The following GRB14 variants were observed in gnomAD, a reference collection of about 807,000 sequenced individuals.
GRB14 encodes growth factor receptor bound protein 14.
GRB14 carries 38 observed loss-of-function variants against 69.1 expected under a neutral mutation model. The observed-to-expected ratio is 0.55, with a 90% CI of 0.42 to 0.72. GRB14 has a LOEUF of 0.72. Ranked by LOEUF, GRB14 falls within the 30% of genes least tolerant of loss-of-function variation. GRB14 has a pLI of 0.00. For synonymous variants in GRB14, 247 were observed against 241.3 expected (o/e 1.02, Z -0.22); for missense variants, 666 against 666.1 (o/e 1.00, Z 0.00).
intron 2 of GRB14, among the ~76,000 whole-genome samples, chr2:164,586,027 C>T (rs569782717): frequency 1.3e-5 from 2 of 152,230 alleles, no homozygotes; most frequent in Admixed American, 1.3e-4. Flanking sequence ...GTATGTTACA[C>T]ATAAGAGATG....
chr2:164,606,507 T>C (rs1366767147), intron 2 of GRB14, among the ~76,000 whole-genome samples: 1 of 152,188 alleles, frequency 6.6e-6, no homozygotes, highest in African/African-American at 2.4e-5. Context: ...TACATGGAGG[T>C]TGACCCAATA....
At chr2:164,574,469 G>A (rs73028057) in intron 2 of GRB14, among the ~76,000 whole-genome samples, 3,214 of 151,878 alleles carry the variant, frequency 0.021, 108 homozygotes, top group African/African-American at 0.073. Context: ...TCAATCTTTC[G>A]ACCTGATCCG....
At chr2:164,609,457 C>T (rs1027718699) in intron 2 of GRB14, among the ~76,000 whole-genome samples, 4 of 152,198 alleles carry the variant, frequency 2.6e-5, no homozygotes, top group African/African-American at 9.7e-5. Flanking sequence ...TTCCTGAAGG[C>T]AAACCTGTGC....
intron 6 of GRB14, among the ~76,000 whole-genome samples, chr2:164,509,636 T>C (rs1687285198): frequency 6.6e-6 from 1 of 152,078 alleles, no homozygotes; most frequent in Non-Finnish European, 1.5e-5. Context: ...AAAACCTTGC[T>C]GCTAGCAGTG....
At chr2:164,554,694 C>T (rs920507622) in intron 2 of GRB14, among the ~76,000 whole-genome samples, 3 of 152,034 alleles carry the variant, frequency 2.0e-5, no homozygotes, top group Non-Finnish European at 4.4e-5. Flanking sequence ...AAATTTAATA[C>T]GTAGTCACTG....
chr2:164,495,351 TA>T (rs1461252910), intron 12 of GRB14, among the ~76,000 whole-genome samples: 1 of 152,074 alleles, frequency 6.6e-6, no homozygotes, highest in Non-Finnish European at 1.5e-5. Flanking sequence ...TATATTGTTT[TA>T]AAAAAATCTT....
At chr2:164,618,874 A>G (rs181706126) in intron 2 of GRB14, among the ~76,000 whole-genome samples, 1 of 152,292 alleles carries the variant, frequency 6.6e-6, no homozygotes, top group Admixed American at 6.5e-5. Flanking sequence ...ATTTCAATGT[A>G]TTGTTTCCAC....
chr2:164,617,389 C>A (rs1043243663), intron 2 of GRB14, among the ~76,000 whole-genome samples: 2 of 152,050 alleles, frequency 1.3e-5, no homozygotes, highest in Admixed American at 6.5e-5. Context: ...GGGTCAATAA[C>A]AATATCACCT....
At chr2:164,616,264 A>C (rs575774167) in intron 2 of GRB14, among the ~76,000 whole-genome samples, 1 of 152,004 alleles carries the variant, frequency 6.6e-6, no homozygotes, top group South Asian at 2.1e-4. Flanking sequence ...CTCTACTAAA[A>C]ATACAAAAAA....
chr2:164,620,328 C>T (rs1322215009), intron 1 of GRB14, among the ~76,000 whole-genome samples: 1 of 151,994 alleles, frequency 6.6e-6, no homozygotes, highest in Non-Finnish European at 1.5e-5. Context: ...AGCTGTGGTT[C>T]ATCTCACTTC....
intron 12 of GRB14, among the ~76,000 whole-genome samples, chr2:164,495,682 C>A (rs899620628): frequency 6.6e-6 from 1 of 152,172 alleles, no homozygotes; most frequent in Non-Finnish European, 1.5e-5. Context: ...AGATGTCTGA[C>A]GAGTTTATCC....
At chr2:164,563,913 C>T (rs572196661) in intron 2 of GRB14, among the ~76,000 whole-genome samples, 2 of 152,112 alleles carry the variant, frequency 1.3e-5, no homozygotes, top group East Asian at 3.9e-4. Context: ...CAAGATAGAG[C>T]AACTGAAAGT....
At chr2:164,595,068 G>A (rs1489280143) in intron 2 of GRB14, among the ~76,000 whole-genome samples, 6 of 152,170 alleles carry the variant, frequency 3.9e-5, no homozygotes, top group Non-Finnish European at 8.8e-5. Context: ...CTCAGTATCT[G>A]TATTTAGAGG....
intron 2 of GRB14, among the ~76,000 whole-genome samples, chr2:164,565,711 G>C (rs16849594): frequency 0.12 from 18,715 of 152,198 alleles, 1,368 homozygotes; most frequent in East Asian, 0.34. Context: ...CATGAGGAAC[G>C]TTCTTCACCA....
At chr2:164,547,625 A>G in intron 3 of GRB14, 35 bp downstream of exon 3, 1 of 1,543,614 alleles carries the variant, frequency 6.5e-7, no homozygotes, top group Non-Finnish European at 8.8e-7. Flanking sequence ...GAAATAGAAA[A>G]GCAATGATGT....
intron 2 of GRB14, among the ~76,000 whole-genome samples, chr2:164,592,540 C>G (rs942792699): frequency 1.3e-5 from 2 of 152,190 alleles, no homozygotes; most frequent in African/African-American, 4.8e-5. Context: ...GGCCCTACCT[C>G]TTGGGCACCA....
At chr2:164,573,702 T>A (rs1281982632) in intron 2 of GRB14, 1 of 1,601,092 alleles carries the variant, frequency 6.2e-7, no homozygotes, top group Non-Finnish European at 8.6e-7. Context: ...GTTAGGAGCC[T>A]CTGACCTGCT....
intron 2 of GRB14, among the ~76,000 whole-genome samples, chr2:164,614,704 A>AT (rs534917432): frequency 3.7e-4 from 56 of 152,330 alleles, no homozygotes; most frequent in African/African-American, 1.3e-3. Flanking sequence ...AAAAACTACA[A>AT]TATGTACATG....
intron 2 of GRB14, among the ~76,000 whole-genome samples, chr2:164,612,040 T>C (rs1258711182): frequency 6.6e-6 from 1 of 152,182 alleles, no homozygotes; most frequent in Non-Finnish European, 1.5e-5. Flanking sequence ...TGGGCTGATA[T>C]AACACCCCTC....
Sources: allele counts gnomAD v4.1 joint callset (sites outside exome capture counted in the v4.1 genomes callset), GRCh38; gene constraint gnomAD v4.1.1; transcripts MANE v1.5; gene names NCBI Gene and HGNC (gene_info 2026-07-23, HGNC 2026-07-21).